Variants in PGS1 observed in about 807,000 individuals in gnomAD.
The protein encoded by PGS1 is CDP-diacylglycerol--glycerol-3-phosphate 3-phosphatidyltransferase, mitochondrial.
PGS1 carries 44 observed loss-of-function variants against 58.3 expected under a neutral mutation model. The observed-to-expected ratio is 0.75, with a 90% CI of 0.59 to 0.97. The LOEUF is 0.97. Among genes scored for constraint, PGS1 ranks in the 50% least tolerant of loss-of-function variants. The pLI, the probability that PGS1 is intolerant of heterozygous loss-of-function variation, is 0.00. For synonymous variants in PGS1, 330 were observed against 311.0 expected (o/e 1.06, Z -0.64); for missense variants, 684 against 731.1 (o/e 0.94, Z 0.74).
At chr17:78,389,939 C>T (rs1021347728) in intron 1 of PGS1, among the ~76,000 whole-genome samples, 1 of 152,208 alleles carries the variant, frequency 6.6e-6, no homozygotes. Context: ...TCTTTGAAGG[C>T]CGCGTGTGGA....
chr17:78,400,948 T>A lies in PGS1; in HGVS notation c.880+93T>A. 9.0e-7 allele frequency: 1 copy of A among 1,116,172 alleles called. No individual in the cohort carries two copies. The highest frequency in any genetic ancestry group is 1.3e-6 in the Non-Finnish European group (1 of 797,302). 69.1% of individuals were successfully genotyped at this position (1,116,172 alleles called of 1,614,324 possible). On this transcript the variant is annotated intron_variant, in intron 6 of 9. Transcript: ENST00000262764. This position sits in a 1 kb window ranked among gnomAD's most constrained non-coding sequence, Gnocchi z 4.4. ...ACTCTAGGTGGTTCTGCCACAGGCA[T>A]AGGGGACTTGGGTGGCAAGGCTTCA...
rs752061839 is a variant in PGS1, at chr17:78,392,466, C to A, written c.144-10C>A. On this transcript the variant is annotated splice_polypyrimidine_tract_variant and intron_variant, in intron 1 of 9. Transcript: ENST00000262764. ...TGAGGTGTGACCCAGTTGCATATTT[C>A]TTTAACCAGGTCACCATGGCTGTTA... is the stretch of plus-strand genomic sequence containing the variant. 1.9e-6 allele frequency: 3 copies of A among 1,601,720 alleles called. No homozygotes were observed. The Admixed American group carries it at 5.2e-5, about 28-fold the overall frequency.
chr17:78,414,150 G>A (rs1057025005), intron 7 of PGS1, among the ~76,000 whole-genome samples: 1 of 152,216 alleles, frequency 6.6e-6, no homozygotes, highest in African/African-American at 2.4e-5. Flanking sequence ...TGGTGCATCA[G>A]CAACTTGAAA....
chr17:78,411,642 C>T (rs1018734782), intron 7 of PGS1, among the ~76,000 whole-genome samples: 1 of 152,198 alleles, frequency 6.6e-6, no homozygotes, highest in South Asian at 2.1e-4. Context: ...TCCTGCTGCA[C>T]GTCTCCCTCA....
chr17:78,391,203 C>T (rs754531512), intron 1 of PGS1, among the ~76,000 whole-genome samples: 12 of 152,158 alleles, frequency 7.9e-5, no homozygotes. Flanking sequence ...ACGCCTCGGC[C>T]TCCCAAAGTG....
intron 9 of PGS1, chr17:78,421,796 C>T (rs554326463): frequency 1.3e-5 from 2 of 152,412 alleles, no homozygotes; most frequent in East Asian, 3.9e-4. Flanking sequence ...CTCCCTCTGT[C>T]TCTGCTGATG....
chr17:78,411,132 A>G (rs1345027106), intron 7 of PGS1, among the ~76,000 whole-genome samples: 1 of 152,182 alleles, frequency 6.6e-6, no homozygotes, highest in African/African-American at 2.4e-5. Flanking sequence ...GGGAGCATCC[A>G]TGCCACCGTC....
chr17:78,418,801 A>G (rs1354541882), intron 8 of PGS1, among the ~76,000 whole-genome samples: 1 of 152,146 alleles, frequency 6.6e-6, no homozygotes, highest in Non-Finnish European at 1.5e-5. Context: ...TGTGGGGGAT[A>G]ATGACATCAC....
At chr17:78,381,621 A>T (rs1351936522) in intron 1 of PGS1, among the ~76,000 whole-genome samples, 3 of 152,138 alleles carry the variant, frequency 2.0e-5, no homozygotes, top group Non-Finnish European at 4.4e-5. Context: ...TAACTCGCTG[A>T]TCATTGATTC....
chr17:78,403,925 C>T lies in PGS1; in HGVS notation c.1238C>T (p.Pro413Leu). ...RAEYQILLAS[P>L]EVNGFFGAKG... The stretch of plus-strand genomic sequence containing the variant: ...GAGTACCAGATCCTGCTGGCCTCAC[C>T]AGAGGTGAATGGCTTCTTTGGGGCC... The change falls in exon 7 of 10, where the codon CCA becomes CTA. Residue 413 changes from proline to leucine, a missense_variant. Transcript: ENST00000262764. 6.2e-7 allele frequency: 1 copy of T among 1,614,240 alleles called. No homozygotes were observed. The highest frequency in any genetic ancestry group is 8.5e-7 in the Non-Finnish European group (1 of 1,180,030).
At chr17:78,387,598 C>CTTTTTTTTTT (rs34252361) in intron 1 of PGS1, among the ~76,000 whole-genome samples, 1 of 104,274 alleles carries the variant, frequency 9.6e-6, no homozygotes, top group South Asian at 3.3e-4. Context: ...CGCGCCCAGC[C>CTTTTTTTTTT]TTTTTTTTTT....
chr17:78,412,214 T>C (rs2084775088), intron 7 of PGS1, among the ~76,000 whole-genome samples: 1 of 152,106 alleles, frequency 6.6e-6, no homozygotes, highest in African/African-American at 2.4e-5. Flanking sequence ...ACTCATGCTG[T>C]CTACTTAGGG....
At chr17:78,407,180 TG>T (rs34029669) in intron 7 of PGS1, among the ~76,000 whole-genome samples, 1 of 143,326 alleles carries the variant, frequency 7.0e-6, no homozygotes, top group Non-Finnish European at 1.5e-5. Context: ...GGGATGGGAT[TG>T]GGGGAGAGTT....
chr17:78,408,102 C>T (rs367630830), intron 7 of PGS1, among the ~76,000 whole-genome samples: 10 of 117,510 alleles, frequency 8.5e-5, no homozygotes, highest in Admixed American at 8.3e-4. Flanking sequence ...CATATTTTAT[C>T]TATCAATCAG....
intron 7 of PGS1, among the ~76,000 whole-genome samples, chr17:78,405,342 G>GT (rs1381105126): frequency 1.3e-5 from 2 of 152,316 alleles, no homozygotes; most frequent in East Asian, 3.9e-4. Flanking sequence ...GGGATCATTT[G>GT]TTTTGGCATC....
intron 7 of PGS1, among the ~76,000 whole-genome samples, chr17:78,405,518 C>T (rs1311824811): frequency 1.3e-5 from 2 of 152,202 alleles, no homozygotes; most frequent in Non-Finnish European, 2.9e-5. Context: ...ATGTTTATCC[C>T]TCTCAGGCAT....
chr17:78,416,265 G>A (rs896946828), intron 8 of PGS1, among the ~76,000 whole-genome samples: 2 of 152,252 alleles, frequency 1.3e-5, no homozygotes, highest in Non-Finnish European at 2.9e-5. Context: ...CAAGCTGAGA[G>A]ATTCCAGTAA....
At chr17:78,399,594 G>T in intron 5 of PGS1, 57 bp downstream of exon 5, 1 of 1,555,692 alleles carries the variant, frequency 6.4e-7, no homozygotes, top group Non-Finnish European at 8.8e-7. Flanking sequence ...CTGGAGGGCA[G>T]TGGAATAGGA....
intron 8 of PGS1, among the ~76,000 whole-genome samples, chr17:78,415,677 ATAG>A (rs1161964292): frequency 6.6e-6 from 1 of 152,214 alleles, no homozygotes; most frequent in Non-Finnish European, 1.5e-5. Context: ...TCGTTTGATA[ATAG>A]TAGCCCATTT....
Sources: allele counts gnomAD v4.1 joint callset (sites outside exome capture counted in the v4.1 genomes callset), GRCh38; gene constraint gnomAD v4.1.1; non-coding constraint Gnocchi (gnomAD v3.1); transcripts MANE v1.5; gene names NCBI Gene and HGNC (gene_info 2026-07-23, HGNC 2026-07-21).